The following NEGR1 variants were observed in gnomAD, a reference collection of about 807,000 sequenced individuals.
The protein encoded by NEGR1 is neuronal growth regulator 1.
NEGR1 carries 10 observed loss-of-function variants against 40.9 expected under a neutral mutation model. That is an observed-to-expected ratio of 0.24 (90% CI 0.15 to 0.42). The LOEUF is 0.42. Among genes scored for constraint, NEGR1 ranks in the 10% least tolerant of loss-of-function variants. The probability of loss-of-function intolerance (pLI) is 1.00; values close to 1 mark genes in which losing one functional copy is unlikely to be tolerated. For missense variants in NEGR1, 352 were observed against 438.9 expected (o/e 0.80, Z 1.77); for synonymous variants, 185 against 166.8 (o/e 1.11, Z -0.84).
chr1:72,079,086 AATATAT>A (rs67575298), intron 1 of NEGR1, among the ~76,000 whole-genome samples: 59,369 of 142,286 alleles, frequency 0.42, 12,688 homozygotes, highest in Admixed American at 0.49. Flanking sequence ...CATTTAACAG[AATATAT>A]ATATATATAT....
At chr1:72,171,381 C>T (rs1226789182) in intron 1 of NEGR1, among the ~76,000 whole-genome samples, 1 of 152,124 alleles carries the variant, frequency 6.6e-6, no homozygotes, top group South Asian at 2.1e-4. Flanking sequence ...AAAAGTATCC[C>T]TTTGCCCTTT....
intron 6 of NEGR1, among the ~76,000 whole-genome samples, chr1:71,480,308 C>A (rs1646845888): frequency 1.3e-5 from 2 of 151,848 alleles, no homozygotes; most frequent in Admixed American, 6.6e-5. Flanking sequence ...CGTTAAGGAG[C>A]TTGCTTAAGG....
intron 2 of NEGR1, among the ~76,000 whole-genome samples, chr1:71,804,821 G>T (rs1657694775): frequency 6.6e-6 from 1 of 152,138 alleles, no homozygotes; most frequent in South Asian, 2.1e-4. Context: ...CTTGAAAAAA[G>T]AACAGGATAA....
Position 72,091,352 on chromosome 1 carries a change from TTCCC to T in NEGR1, c.177-156045_177-156042del, listed in dbSNP as rs370278827. ...CACCACTCTTTTTCTCTCTCTCAGT[TTCCC>T]TCCCTCCCTCCCTCCCTCCGTTCCT... On this transcript the variant is annotated intron_variant, in intron 1 of 6. Transcript: ENST00000357731. Among the ~76,000 whole-genome samples the T allele has an allele frequency of 5.4e-4, 78 of 144,494 alleles. 1 individual carries two copies. Among genetic ancestry groups the T allele is most frequent in the African/African-American group, 1.1e-3 (40 of 36,492 alleles). 94.8% of individuals were successfully genotyped at this position (144,494 alleles called of 152,430 possible). A position where few individuals can be genotyped will look rare whatever the true frequency, so the allele number is the denominator to read the frequency against.
At chr1:71,491,325 A>G (rs1646926308) in intron 6 of NEGR1, among the ~76,000 whole-genome samples, 3 of 152,084 alleles carry the variant, frequency 2.0e-5, no homozygotes, top group Admixed American at 6.6e-5. Flanking sequence ...GGGTTTTGAT[A>G]TCCAAGGGAG....
chr1:72,110,728 A>G (rs1483617767), intron 1 of NEGR1, among the ~76,000 whole-genome samples: 1 of 151,596 alleles, frequency 6.6e-6, no homozygotes, highest in Non-Finnish European at 1.5e-5. Flanking sequence ...AATAAGACAC[A>G]CTTGAAAAAT....
At chr1:71,846,698 T>C (rs140723882) in intron 2 of NEGR1, among the ~76,000 whole-genome samples, 38 of 152,296 alleles carry the variant, frequency 2.5e-4, no homozygotes, top group African/African-American at 8.7e-4. Context: ...TTCTGGAGAC[T>C]GAGAAATGCA....
intron 2 of NEGR1, among the ~76,000 whole-genome samples, chr1:71,846,057 C>T (rs527725018): frequency 2.6e-5 from 4 of 151,924 alleles, no homozygotes; most frequent in Admixed American, 6.6e-5. Flanking sequence ...GGCCACCACC[C>T]CCAGCCAAGA....
intron 6 of NEGR1, among the ~76,000 whole-genome samples, chr1:71,461,238 G>C (rs955467398): frequency 1.4e-4 from 22 of 152,084 alleles, no homozygotes; most frequent in Non-Finnish European, 2.8e-4. Context: ...AAAATATCAT[G>C]AAAATTTTTT....
chr1:71,548,309 G>C (rs1647967320), intron 6 of NEGR1, among the ~76,000 whole-genome samples: 1 of 151,716 alleles, frequency 6.6e-6, no homozygotes, highest in Non-Finnish European at 1.5e-5. Context: ...TCTGTAGCTG[G>C]TAACATTTCT....
At chr1:71,682,596 C>T (rs1652875675) in intron 4 of NEGR1, among the ~76,000 whole-genome samples, 1 of 151,992 alleles carries the variant, frequency 6.6e-6, no homozygotes, top group African/African-American at 2.4e-5. Flanking sequence ...CTATTTGGGA[C>T]AACAGTAAAT....
chr1:71,502,432 A>T (rs111656792), intron 6 of NEGR1, among the ~76,000 whole-genome samples: 17 of 152,096 alleles, frequency 1.1e-4, no homozygotes, highest in Non-Finnish European at 2.4e-4. Context: ...TAGACACCTG[A>T]TCTTGCAAGA....
At chr1:71,506,554 T>A (rs1647036054) in intron 6 of NEGR1, among the ~76,000 whole-genome samples, 3 of 152,102 alleles carry the variant, frequency 2.0e-5, no homozygotes, top group Non-Finnish European at 4.4e-5. Flanking sequence ...GTGGTTAACA[T>A]ATTCTCAGAT....
At chr1:71,690,565 A>AACACACACACAC (rs3980432) in intron 4 of NEGR1, among the ~76,000 whole-genome samples, 22 of 119,272 alleles carry the variant, frequency 1.8e-4, no homozygotes, top group African/African-American at 6.8e-4. Flanking sequence ...TAAGTTATAT[A>AACACACACACAC]ACACACACAC....
intron 1 of NEGR1, among the ~76,000 whole-genome samples, chr1:72,040,697 A>C (rs1646945805): frequency 6.6e-6 from 1 of 151,646 alleles, no homozygotes. Context: ...GAAAGAAGTA[A>C]GACCTAATGA....
intron 5 of NEGR1, among the ~76,000 whole-genome samples, chr1:71,599,535 T>C (rs1416945003): frequency 1.3e-5 from 2 of 152,246 alleles, no homozygotes; most frequent in African/African-American, 4.8e-5. Flanking sequence ...ACTGGTTTAT[T>C]GTGCTGCTTG....
At chr1:71,521,542 G>A (rs1647157298) in intron 6 of NEGR1, among the ~76,000 whole-genome samples, 1 of 151,922 alleles carries the variant, frequency 6.6e-6, no homozygotes. Flanking sequence ...TATATTTCTT[G>A]AGTACATCAT....
chr1:71,696,192 C>T (rs1353875761), intron 4 of NEGR1, among the ~76,000 whole-genome samples: 1 of 151,742 alleles, frequency 6.6e-6, no homozygotes, highest in African/African-American at 2.4e-5. Flanking sequence ...TAGTTCCCTA[C>T]TCAAGTTTCT....
chr1:72,064,519 C>G (rs1647230281), intron 1 of NEGR1, among the ~76,000 whole-genome samples: 1 of 152,082 alleles, frequency 6.6e-6, no homozygotes, highest in Non-Finnish European at 1.5e-5. Flanking sequence ...TGGCCCTGAG[C>G]ACCAACGGCT....
Sources: gnomAD v4.1 joint callset for allele counts (sites outside exome capture counted in the v4.1 genomes callset) on GRCh38, gnomAD v4.1.1 for gene constraint, MANE v1.5 for transcripts, NCBI Gene and HGNC (gene_info 2026-07-23, HGNC 2026-07-21) for gene names.